The following PKP1 variants were observed in gnomAD, a reference collection of about 807,000 sequenced individuals.
PKP1 encodes the protein plakophilin-1.
PKP1 carries 27 observed loss-of-function variants against 76.4 expected under a neutral mutation model. The ratio of observed to expected loss-of-function variants is 0.35; its 90% CI spans 0.26 to 0.49. PKP1 has a LOEUF of 0.49. PKP1 is among the 20% of genes least tolerant of loss of function. The probability of loss-of-function intolerance (pLI) is 0.99; values close to 1 mark genes in which losing one functional copy is unlikely to be tolerated. For missense variants in PKP1, 964 were observed against 955.2 expected (o/e 1.01, Z -0.12); for synonymous variants, 404 against 384.2 (o/e 1.05, Z -0.60).
intron 2 of PKP1, among the ~76,000 whole-genome samples, chr1:201,301,442 A>C (rs1403762461): frequency 6.6e-6 from 1 of 152,032 alleles, no homozygotes; most frequent in African/African-American, 2.4e-5. Flanking sequence ...ATTTCCATTC[A>C]TGTTGTGTAG....
chr1:201,320,215 C>G (rs41269941), intron 6 of PKP1, 52 bp from the exon 7 acceptor site: 82 of 1,163,748 alleles, frequency 7.0e-5, no homozygotes, highest in Non-Finnish European at 1.0e-4. Context: ...CCACCTTCCC[C>G]GTTCTCTCTT....
At chr1:201,302,945 C>T (rs963544290) in intron 2 of PKP1, among the ~76,000 whole-genome samples, 13 of 152,194 alleles carry the variant, frequency 8.5e-5, no homozygotes, top group Admixed American at 5.9e-4. Flanking sequence ...GGCGAGGCGA[C>T]GGCCTGAGGC....
chr1:201,327,966 G>A (rs1196462577), intron 12 of PKP1, among the ~76,000 whole-genome samples: 1 of 152,228 alleles, frequency 6.6e-6, no homozygotes, highest in South Asian at 2.1e-4. Context: ...ATGGCATCAT[G>A]TAATACATGC....
At chr1:201,326,924 G>A (rs569073366) in intron 12 of PKP1, among the ~76,000 whole-genome samples, 29 of 152,372 alleles carry the variant, frequency 1.9e-4, no homozygotes, top group African/African-American at 6.7e-4. Flanking sequence ...GACCTGGTAA[G>A]AAGAGAAAGC....
chr1:201,315,420 C>T (rs1015738687), intron 3 of PKP1, among the ~76,000 whole-genome samples: 6 of 152,170 alleles, frequency 3.9e-5, no homozygotes, highest in African/African-American at 7.2e-5. Context: ...GGATAGGGCT[C>T]CCTCTTTGAA....
chr1:201,325,917 G>A (rs1440445477), intron 12 of PKP1, 79 bp downstream of exon 12: 1 of 1,093,478 alleles, frequency 9.1e-7, no homozygotes, highest in African/African-American at 1.5e-5. Flanking sequence ...TGGGCTCTGG[G>A]CTGGGCACTA....
chr1:201,285,803 A>T, intron 1 of PKP1, among the ~76,000 whole-genome samples: 1 of 152,192 alleles, frequency 6.6e-6, no homozygotes, highest in East Asian at 1.9e-4. Flanking sequence ...TTTGTGGGGA[A>T]CTTCTATCTG....
chr1:201,324,912 C>A (rs145940092), intron 10 of PKP1, 29 bp from the exon 11 acceptor site: 2 of 1,606,258 alleles, frequency 1.2e-6, no homozygotes, highest in East Asian at 4.5e-5. Flanking sequence ...GTCATCCTGA[C>A]CCTGTGCCCC....
At position 201,316,137 on chromosome 1, in the gene PKP1, CGGAT is replaced by C. The variant is rs1206973112; in HGVS notation, c.702-412_702-409del. On this transcript the variant is annotated intron_variant, in intron 3 of 13. Coordinates refer to ENST00000367324, the MANE Select transcript of PKP1 (RefSeq NM_001005337.3). ...ATGGACGGATGGACGGACGGACGGA[CGGAT>C]GGACGGACGGATGGATGGATGGATG... 30 of 15,916 alleles carry C rather than the reference CGGAT, an allele frequency of 1.9e-3. No homozygotes were observed. The Middle Eastern group carries it at 0.11, about 56-fold the overall frequency. The allele number at this position is 15,916 out of a possible 1,614,324, so 1.0% of individuals were successfully genotyped here.
rs996992599 is a variant in PKP1, at chr1:201,324,475, G to A, written c.1728G>A (p.Leu576=). ...TGATTGGGCTGAAGGAAAAGGGCCTGCCACAAATTGCCCGCCTCCTGCAAT... is the reference window on the plus strand; with the variant it reads ...TGATTGGGCTGAAGGAAAAGGGCCTACCACAAATTGCCCGCCTCCTGCAAT... ...SQLIGLKEKG[L]PQIARLLQSG... Residue 576 remains leucine (L), a synonymous_variant, in exon 10 of 14, where the codon CTG becomes CTA. Coordinates refer to ENST00000367324, the MANE Select transcript of PKP1 (RefSeq NM_001005337.3). The A allele has an allele frequency of 3.1e-6, 5 of 1,614,134 alleles. No homozygotes were observed. Among genetic ancestry groups the A allele is most frequent in the East Asian group, 4.5e-5 (2 of 44,868 alleles).
intron 2 of PKP1, among the ~76,000 whole-genome samples, chr1:201,300,267 G>A (rs1161638712): frequency 6.6e-6 from 1 of 152,254 alleles, no homozygotes; most frequent in Admixed American, 6.5e-5. Flanking sequence ...CAGACAAACT[G>A]CTGCCACTGG....
At chr1:201,317,539 T>C in intron 4 of PKP1, 33 bp from the exon 5 acceptor site, 1 of 1,580,184 alleles carries the variant, frequency 6.3e-7, no homozygotes, top group East Asian at 2.2e-5. Context: ...TCATCTCCCT[T>C]GACCAGGCAG....
chr1:201,284,038 G>A (rs1180411375), intron 1 of PKP1, 134 bp downstream of exon 1: 11 of 830,034 alleles, frequency 1.3e-5, no homozygotes, highest in Non-Finnish European at 2.2e-5. Context: ...CAGGGTCTAC[G>A]CACCTAGTGC....
At chr1:201,320,697 A>G (rs1219852687) in intron 7 of PKP1, among the ~76,000 whole-genome samples, 1 of 152,218 alleles carries the variant, frequency 6.6e-6, no homozygotes, top group Non-Finnish European at 1.5e-5. Context: ...GAAAGGCTTG[A>G]TTAGTTAATA....
At chr1:201,296,455 G>A (rs968780982) in intron 2 of PKP1, among the ~76,000 whole-genome samples, 2 of 152,212 alleles carry the variant, frequency 1.3e-5, no homozygotes, top group Non-Finnish European at 2.9e-5. Flanking sequence ...GGAGGGTGGG[G>A]AGGAGGGTGT....
intron 13 of PKP1, among the ~76,000 whole-genome samples, chr1:201,329,225 CT>C (rs1336857014): frequency 6.6e-6 from 1 of 152,154 alleles, no homozygotes; most frequent in Non-Finnish European, 1.5e-5. Flanking sequence ...TCATTCTGGG[CT>C]TGGCCATACA....
chr1:201,318,765 A>G lies in PKP1; in HGVS notation c.1202A>G (p.Glu401Gly), dbSNP rs768259659. ...SNMSREVVDP[E>G]VFFNATGCLR... ...ATGTCCCGGGAAGTGGTGGACCCTG[A>G]GGTCTTCTTCAATGCCACAGGCTGC... Residue 401 changes from glutamate to glycine, a missense_variant, in exon 6 of 14, where the codon GAG (glutamate) becomes GGG (glycine). By Grantham distance (98) the Glu-to-Gly change is moderately conservative. Transcript: ENST00000367324. 1.9e-6 allele frequency: 3 copies of G among 1,609,366 alleles called. No individual in the cohort carries two copies. Among genetic ancestry groups the G allele is most frequent in the Non-Finnish European group, 2.5e-6 (3 of 1,178,592 alleles).
At chr1:201,316,954 G>A (rs540538343) in intron 4 of PKP1, among the ~76,000 whole-genome samples, 1 of 152,270 alleles carries the variant, frequency 6.6e-6, no homozygotes, top group South Asian at 2.1e-4. Flanking sequence ...TGCCAGCCAC[G>A]GGTTCAACAG....
chr1:201,293,740 CTG>C (rs771181021), intron 1 of PKP1, among the ~76,000 whole-genome samples, 200 bp from the exon 2 acceptor site: 6 of 152,180 alleles, frequency 3.9e-5, no homozygotes, highest in Non-Finnish European at 7.3e-5. Flanking sequence ...CTGCAGGAGT[CTG>C]TGGTAGCCCT....
Sources: allele counts gnomAD v4.1 joint callset (sites outside exome capture counted in the v4.1 genomes callset), GRCh38; gene constraint gnomAD v4.1.1; transcripts MANE v1.5; gene names NCBI Gene and HGNC (gene_info 2026-07-23, HGNC 2026-07-21).